Variants in THSD7B observed in about 807,000 individuals in gnomAD.
The protein encoded by THSD7B is thrombospondin type 1 domain containing 7B, also known as thrombospondin type-1 domain-containing protein 7B.
A neutral mutation model predicts 213.6 loss-of-function variants in THSD7B; 138 were observed. The observed-to-expected ratio is 0.65, with a 90% CI of 0.56 to 0.74. The LOEUF is 0.74. Among genes scored for constraint, THSD7B ranks in the 30% least tolerant of loss-of-function variants. THSD7B has a pLI of 0.00. For missense variants in THSD7B, 1,931 were observed against 1,991.5 expected (o/e 0.97, Z 0.58); for synonymous variants, 742 against 687.0 (o/e 1.08, Z -1.25).
At chr2:137,209,129 C>T (rs1681046022) in intron 7 of THSD7B, among the ~76,000 whole-genome samples, 2 of 152,036 alleles carry the variant, frequency 1.3e-5, no homozygotes, top group South Asian at 4.1e-4. Context: ...TGACCAAGGA[C>T]AGCTTGGAGG....
At chr2:136,824,075 T>C (rs1377921231) in intron 1 of THSD7B, among the ~76,000 whole-genome samples, 1 of 152,148 alleles carries the variant, frequency 6.6e-6, no homozygotes, top group Admixed American at 6.5e-5. Flanking sequence ...TTTATCACCA[T>C]TTTACAGATG....
At chr2:137,510,797 T>C (rs1374978396) in intron 15 of THSD7B, among the ~76,000 whole-genome samples, 1 of 152,228 alleles carries the variant, frequency 6.6e-6, no homozygotes, top group Non-Finnish European at 1.5e-5. Flanking sequence ...AGATTTTCTC[T>C]TTATTTTTGG....
intron 3 of THSD7B, among the ~76,000 whole-genome samples, chr2:137,073,445 G>A (rs1275690608): frequency 6.6e-6 from 1 of 151,254 alleles, no homozygotes; most frequent in African/African-American, 2.4e-5. Flanking sequence ...GGGATCAGTG[G>A]TGATATCCAT....
intron 12 of THSD7B, among the ~76,000 whole-genome samples, chr2:137,382,350 G>A (rs1685795954): frequency 6.6e-6 from 1 of 152,234 alleles, no homozygotes; most frequent in South Asian, 2.1e-4. Context: ...GGCAGCCAAG[G>A]GGGCTATTCA....
intron 1 of THSD7B, among the ~76,000 whole-genome samples, chr2:136,786,315 T>C (rs978597447): frequency 3.3e-5 from 5 of 152,198 alleles, no homozygotes; most frequent in Admixed American, 6.5e-5. Context: ...ATATTCACAT[T>C]TCACATTTTC....
intron 1 of THSD7B, among the ~76,000 whole-genome samples, chr2:136,862,777 T>C (rs1463001278): frequency 6.6e-6 from 1 of 152,210 alleles, no homozygotes; most frequent in Non-Finnish European, 1.5e-5. Flanking sequence ...TTCTTCCTCC[T>C]GAATATGAGC....
intron 1 of THSD7B, among the ~76,000 whole-genome samples, chr2:136,792,645 C>T (rs1681989520): frequency 6.6e-6 from 1 of 151,912 alleles, no homozygotes; most frequent in Non-Finnish European, 1.5e-5. Context: ...ATTAATTCTA[C>T]TGTGAACCTA....
At chr2:137,471,860 A>G (rs1688100784) in intron 15 of THSD7B, among the ~76,000 whole-genome samples, 1 of 152,204 alleles carries the variant, frequency 6.6e-6, no homozygotes, top group Admixed American at 6.5e-5. Context: ...GCCAAAAGGC[A>G]GTACTGCGGG....
chr2:137,425,201 T>C (rs1687025428), intron 14 of THSD7B, among the ~76,000 whole-genome samples: 1 of 151,654 alleles, frequency 6.6e-6, no homozygotes, highest in African/African-American at 2.4e-5. Flanking sequence ...AATCTAGAGA[T>C]GATTTATTTA....
At chr2:136,850,370 T>C (rs1317952643) in intron 1 of THSD7B, among the ~76,000 whole-genome samples, 4 of 152,092 alleles carry the variant, frequency 2.6e-5, no homozygotes, top group Non-Finnish European at 5.9e-5. Context: ...TTTGAGCACA[T>C]TGGAAAGACC....
At chr2:137,200,199 C>A (rs1237824979) in intron 7 of THSD7B, among the ~76,000 whole-genome samples, 1 of 151,996 alleles carries the variant, frequency 6.6e-6, no homozygotes, top group African/African-American at 2.4e-5. Context: ...CATAGGAGTA[C>A]CTTTTTATTC....
At chr2:137,596,902 T>C (rs530166268) in intron 17 of THSD7B, among the ~76,000 whole-genome samples, 3 of 152,208 alleles carry the variant, frequency 2.0e-5, no homozygotes, top group Admixed American at 1.3e-4. Flanking sequence ...AAGATTATTA[T>C]GTATAACTGT....
At chr2:137,118,230 C>G (rs569648059) in intron 5 of THSD7B, among the ~76,000 whole-genome samples, 2 of 152,244 alleles carry the variant, frequency 1.3e-5, no homozygotes, top group South Asian at 4.1e-4. Flanking sequence ...AAAATAAAAG[C>G]TTGAATTTGG....
At chr2:136,929,172 A>AT (rs1420729295) in intron 2 of THSD7B, among the ~76,000 whole-genome samples, 1 of 152,196 alleles carries the variant, frequency 6.6e-6, no homozygotes, top group Non-Finnish European at 1.5e-5. Flanking sequence ...AATGTGTGGG[A>AT]TTGCCCGTTT....
chr2:137,597,594 A>G (rs1006060819), intron 17 of THSD7B, among the ~76,000 whole-genome samples: 5 of 152,084 alleles, frequency 3.3e-5, no homozygotes, highest in Admixed American at 3.3e-4. Context: ...GTCCTTGCCA[A>G]TGGTCAAACT....
rs151335324 is a variant in THSD7B at position 136,872,583 on chromosome 2, T to TTTTC, written c.-35-9546_-35-9543dup. Among the ~76,000 whole-genome samples the TTTTC allele has an allele frequency of 7.9e-3, 1,190 of 150,912 alleles. 15 individuals carry two copies. Among genetic ancestry groups the TTTTC allele is most frequent in the African/African-American group, 0.027 (1,114 of 40,888 alleles). ...CTTTTCTTTTCTTCTTTCTCTTTCT[T>TTTTC]TTTCTTTCTTTCTTTCTTCCTTTTT... On this transcript the variant is annotated intron_variant, in intron 1 of 27. Transcript: ENST00000409968.
chr2:137,393,458 A>G (rs1042585308), intron 12 of THSD7B, among the ~76,000 whole-genome samples: 5 of 148,982 alleles, frequency 3.4e-5, no homozygotes, highest in African/African-American at 5.0e-5. Flanking sequence ...ATGATTTCCA[A>G]TTTCATCCAT....
intron 7 of THSD7B, among the ~76,000 whole-genome samples, chr2:137,202,721 A>G (rs182652851): frequency 6.6e-6 from 1 of 152,308 alleles, no homozygotes; most frequent in East Asian, 1.9e-4. Context: ...TGACACAGAT[A>G]CACACCAAGA....
intron 2 of THSD7B, among the ~76,000 whole-genome samples, chr2:137,012,535 G>T (rs1446229109): frequency 6.6e-6 from 1 of 152,228 alleles, no homozygotes; most frequent in Non-Finnish European, 1.5e-5. Context: ...TCATGGAGAA[G>T]AGTACACATT....
Sources: gnomAD v4.1 joint callset for allele counts (sites outside exome capture counted in the v4.1 genomes callset) on GRCh38, gnomAD v4.1.1 for gene constraint, MANE v1.5 for transcripts, NCBI Gene and HGNC (gene_info 2026-07-23, HGNC 2026-07-21) for gene names.